The following MACC1 variants were observed in gnomAD, a reference collection of about 807,000 sequenced individuals.
The protein encoded by MACC1 is metastasis-associated in colon cancer protein 1.
In MACC1, 79 loss-of-function variants were observed where a neutral mutation model predicts 70.7. That is an observed-to-expected ratio of 1.12 (90% CI 0.93 to 1.35). The LOEUF (loss-of-function observed/expected upper bound fraction) is 1.35. Among genes scored for constraint, MACC1 ranks in the 40% most tolerant of loss-of-function variants. MACC1 has a pLI of 0.00. For missense variants in MACC1, 1,106 were observed against 978.1 expected, an observed-to-expected ratio of 1.13 and a Z score of -1.74; for synonymous variants, 361 against 347.2, an observed-to-expected ratio of 1.04 and a Z score of -0.44.
At chr7:20,172,737 T>G (rs930789875) in intron 1 of MACC1, among the ~76,000 whole-genome samples, 1 of 152,196 alleles carries the variant, frequency 6.6e-6, no homozygotes, top group African/African-American at 2.4e-5. Flanking sequence ...CCGCCCAAAG[T>G]GACAGTGAAC....
In MACC1 at chr7:20,159,322, C is replaced by G; in HGVS notation, c.1039G>C (p.Val347Leu). 6.2e-7 allele frequency: 1 copy of G among 1,614,066 alleles called. No individual in the cohort carries two copies. Among genetic ancestry groups the G allele is most frequent in the Non-Finnish European group, 8.5e-7 (1 of 1,180,006 alleles). The stretch of plus-strand genomic sequence containing the variant: ...AGAGCTTTAGCTTGTGCAGCAACCA[C>G]TAGATACATTACCTGACTCAAGTCG... Reference protein sequence around the residue: ...LIDLSQVMYLVVAAQAKALPS... With the variant: ...LIDLSQVMYLLVAAQAKALPS... Residue 347 changes from valine to leucine, a missense_variant, in exon 5 of 7, where the codon GTG becomes CTG. Physicochemically the swap from Val to Leu is conservative, Grantham distance 32. Transcript: ENST00000400331.
chr7:20,178,349 GTCA>G (rs149657218), intron 1 of MACC1, among the ~76,000 whole-genome samples: 2,150 of 151,708 alleles, frequency 0.014, 57 homozygotes, highest in African/African-American at 0.049. Context: ...CAATTCTGTG[GTCA>G]TCATTATTCT....
chr7:20,184,924 T>C (rs1338558126), intron 1 of MACC1: 1 of 152,214 alleles, frequency 6.6e-6, no homozygotes, highest in Non-Finnish European at 1.5e-5. Context: ...TTATCATAAA[T>C]GTATGCAATT....
intron 6 of MACC1, among the ~76,000 whole-genome samples, chr7:20,145,781 G>A (rs1172335353): frequency 6.6e-6 from 1 of 152,120 alleles, no homozygotes; most frequent in Non-Finnish European, 1.5e-5. Flanking sequence ...GAGAAGGAAT[G>A]AGAACAAAAG....
In MACC1 at chr7:20,159,365, G is replaced by T. The variant is rs748946988; in HGVS notation, c.996C>A (p.Thr332=). The T allele has an allele frequency of 1.2e-6, 2 of 1,613,858 alleles. No homozygotes were observed. Among genetic ancestry groups the T allele is most frequent in the South Asian group, 1.1e-5 (1 of 91,062 alleles). The change falls in exon 5 of 7, where the codon ACC becomes ACA. Residue 332 remains threonine (T), a synonymous_variant. Transcript: ENST00000400331. Reference sequence around the variant, plus strand: ...TCAAGTCGATTAGCTTGACTTGGATGGTGTCTTTATAAATGTAGCAGTTGC... The same window carrying T: ...TCAAGTCGATTAGCTTGACTTGGATTGTGTCTTTATAAATGTAGCAGTTGC... The part of the protein sequence containing the change: ...VLSNCYIYKD[T]IQVKLIDLSQ...
At chr7:20,182,860 C>T (rs2128106071) in intron 1 of MACC1, among the ~76,000 whole-genome samples, 1 of 152,168 alleles carries the variant, frequency 6.6e-6, no homozygotes, top group African/African-American at 2.4e-5. Flanking sequence ...CTACAATACA[C>T]AATATTTACA....
intron 3 of MACC1, among the ~76,000 whole-genome samples, chr7:20,162,270 C>A (rs1418091451): frequency 5.3e-5 from 8 of 152,034 alleles, no homozygotes; most frequent in African/African-American, 1.7e-4. Flanking sequence ...ACATTCGATG[C>A]AGTTCCATGA....
chr7:20,158,683 C>T lies in MACC1; in HGVS notation c.1678G>A (p.Val560Met). ...TAATCAATCTTGCTTTGTCTTAGCA[C>T]TGCCTTCAGGGTTACCCCATAGTTG... ...FSNYGVTLKA[V>M]LRQSKIDYFL... Residue 560 changes from valine (V) to methionine (M), a missense_variant, in exon 5 of 7, where the codon GTG (valine) becomes ATG (methionine). Transcript: ENST00000400331. The T allele has an allele frequency of 6.2e-7, 1 of 1,613,922 alleles. No homozygotes were observed. The highest frequency in any genetic ancestry group is 8.5e-7 in the Non-Finnish European group (1 of 1,179,984).
At position 20,134,806 on chromosome 7, in the gene MACC1, CAG is replaced by C. The variant is rs1781698074; in HGVS notation, c.*6138_*6139del. The C allele has an allele frequency of 6.6e-6, 1 of 152,078 alleles. No homozygotes were observed. Among genetic ancestry groups the C allele is most frequent in the Non-Finnish European group, 1.5e-5 (1 of 68,014 alleles). The allele number at this position is 152,078 out of a possible 1,614,324, so 9.4% of individuals were successfully genotyped here. On this transcript the variant is annotated 3_prime_UTR_variant, in exon 7 of 7. Coordinates refer to ENST00000400331, the MANE Select transcript of MACC1 (RefSeq NM_182762.4). ...GGCAGAGTCTTGATATCTTTAAGAA[CAG>C]AGAAAAGGAAGCCATAGATTCTTCC...
chr7:20,157,952 A>G (rs1034293941), intron 5 of MACC1, among the ~76,000 whole-genome samples: 1 of 152,188 alleles, frequency 6.6e-6, no homozygotes, highest in African/African-American at 2.4e-5. Context: ...TGTTAAGCCC[A>G]GCACAAACAG....
chr7:20,144,584 T>G (rs1471118736), intron 6 of MACC1, among the ~76,000 whole-genome samples: 1 of 152,202 alleles, frequency 6.6e-6, no homozygotes, highest in Non-Finnish European at 1.5e-5. Context: ...ATCTGGCATA[T>G]AGTTTGCATT....
chr7:20,155,943 C>T (rs1429260606), intron 5 of MACC1, among the ~76,000 whole-genome samples: 1 of 152,178 alleles, frequency 6.6e-6, no homozygotes, highest in Non-Finnish European at 1.5e-5. Context: ...TAGTATAAGA[C>T]TTTACATGCA....
At chr7:20,210,788 TA>T (rs1199423593) in intron 1 of MACC1, among the ~76,000 whole-genome samples, 2 of 152,236 alleles carry the variant, frequency 1.3e-5, no homozygotes, top group African/African-American at 4.8e-5. Context: ...ATTATTTGTT[TA>T]ATTAATGATT....
At chr7:20,173,917 T>C (rs766882804) in intron 1 of MACC1, among the ~76,000 whole-genome samples, 13 of 152,196 alleles carry the variant, frequency 8.5e-5, no homozygotes, top group Non-Finnish European at 1.5e-4. Flanking sequence ...AGTATGTTCA[T>C]AACGTGGACA....
intron 1 of MACC1, among the ~76,000 whole-genome samples, chr7:20,197,417 T>A (rs1285762398): frequency 6.6e-6 from 1 of 152,318 alleles, no homozygotes; most frequent in Admixed American, 6.5e-5. Context: ...TGGCTTTGTG[T>A]TTTTTGTATG....
Position 20,159,458 on chromosome 7 carries a change from G to A in MACC1, c.903C>T (p.Phe301=). The change falls in exon 5 of 7, where the codon TTC becomes TTT. Residue 301 remains phenylalanine, a synonymous_variant. Coordinates refer to ENST00000400331, the MANE Select transcript of MACC1 (RefSeq NM_182762.4). ...KIGAEVRKDP[F]SQVMTEMVCL... is the part of the protein sequence containing the mutation. ...ACACCATTTCTGTCATGACTTGGCTGAAAGGATCCTTTCTTACTTCAGCCC... is the reference window on the plus strand; with the variant it reads ...ACACCATTTCTGTCATGACTTGGCTAAAAGGATCCTTTCTTACTTCAGCCC... The A allele has an allele frequency of 6.2e-7, 1 of 1,614,030 alleles. No individual in the cohort carries two copies.
chr7:20,207,601 C>A (rs879701373), intron 1 of MACC1, among the ~76,000 whole-genome samples: 6 of 151,940 alleles, frequency 3.9e-5, no homozygotes, highest in African/African-American at 1.5e-4. Context: ...TGCAACATAG[C>A]GCTATTCACC....
chr7:20,177,034 G>C (rs2128105341), intron 1 of MACC1, among the ~76,000 whole-genome samples: 2 of 152,184 alleles, frequency 1.3e-5, no homozygotes, highest in South Asian at 4.2e-4. Context: ...GTGATAAAAT[G>C]TCAAAGAGCT....
chr7:20,159,810 C>G lies in MACC1; in HGVS notation c.551G>C (p.Ser184Thr). ...DREAYKMAWLSQRQLARSCLD... is the reference protein window; with the variant it reads ...DREAYKMAWLTQRQLARSCLD... ...GCAGGAGCGGGCCAGCTGGCGTTGACTTAACCAAGCCATTTTATAAGCCTC... is the reference window on the plus strand; with the variant it reads ...GCAGGAGCGGGCCAGCTGGCGTTGAGTTAACCAAGCCATTTTATAAGCCTC... The change falls in exon 5 of 7, where the codon AGT becomes ACT. Residue 184 changes from serine to threonine, a missense_variant. By Grantham distance (58) the Ser-to-Thr change is moderately conservative. Coordinates refer to ENST00000400331, the MANE Select transcript of MACC1 (RefSeq NM_182762.4). 3 of 1,614,154 alleles carry G rather than the reference C, an allele frequency of 1.9e-6. No individual in the cohort carries two copies. The highest frequency in any genetic ancestry group is 2.5e-6 in the Non-Finnish European group (3 of 1,180,032).
Sources: allele counts gnomAD v4.1 joint callset (sites outside exome capture counted in the v4.1 genomes callset), GRCh38; gene constraint gnomAD v4.1.1; transcripts MANE v1.5; gene names NCBI Gene and HGNC (gene_info 2026-07-23, HGNC 2026-07-21).